CRYBG1: variants seen among roughly 807,000 people sequenced by gnomAD.
CRYBG1 encodes beta/gamma crystallin domain-containing protein 1.
CRYBG1 carries 139 observed loss-of-function variants against 189.2 expected under a neutral mutation model. The observed-to-expected ratio is 0.73, with a 90% CI of 0.64 to 0.85. CRYBG1 has a LOEUF of 0.85. Ranked by LOEUF, CRYBG1 falls within the 40% of genes least tolerant of loss-of-function variation. The probability of loss-of-function intolerance (pLI) is 0.00; values close to 1 mark genes in which losing one functional copy is unlikely to be tolerated. For synonymous variants in CRYBG1, 1,023 were observed against 1,017.1 expected (o/e 1.01, Z -0.11); for missense variants, 2,611 against 2,675.8 (o/e 0.98, Z 0.53).
intron 2 of CRYBG1, among the ~76,000 whole-genome samples, chr6:106,475,350 TAAAAC>T (rs1440212401): frequency 6.6e-6 from 1 of 152,272 alleles, no homozygotes; most frequent in African/African-American, 2.4e-5. Flanking sequence ...ACGAAAAAGT[TAAAAC>T]AGAACAGCAA....
intron 1 of CRYBG1, among the ~76,000 whole-genome samples, chr6:106,366,539 C>G (rs1275528445): frequency 1.3e-5 from 2 of 152,116 alleles, no homozygotes; most frequent in Non-Finnish European, 2.9e-5. Context: ...ATAACAGAAA[C>G]TCAGTAAATA....
intron 1 of CRYBG1, among the ~76,000 whole-genome samples, chr6:106,367,789 C>G (rs2114293961): frequency 8.9e-6 from 1 of 112,896 alleles, no homozygotes; most frequent in Non-Finnish European, 1.8e-5. Flanking sequence ...AAACTCAGAC[C>G]CTGCTTATCC....
At chr6:106,509,819 C>T (rs192866305) in intron 2 of CRYBG1, among the ~76,000 whole-genome samples, 3 of 152,062 alleles carry the variant, frequency 2.0e-5, no homozygotes, top group South Asian at 4.2e-4. Context: ...GCCTCTCCCC[C>T]CCACCCCAAT....
intron 1 of CRYBG1, among the ~76,000 whole-genome samples, chr6:106,422,462 G>A (rs1771148586): frequency 6.6e-6 from 1 of 151,944 alleles, no homozygotes; most frequent in Non-Finnish European, 1.5e-5. Context: ...CCTCTGAGTA[G>A]CTGGGACCAC....
Position 106,468,703 on chromosome 6 carries a change from A to G in CRYBG1, c.312+16871A>G, listed in dbSNP as rs10046454. ...AGACTTTGTCTCAAAAAATCATAATAAAATTTAAAAGTGGCATATTTTTAC... is the reference window on the plus strand; with the variant it reads ...AGACTTTGTCTCAAAAAATCATAATGAAATTTAAAAGTGGCATATTTTTAC... On this transcript the variant is annotated intron_variant, in intron 2 of 21. Coordinates refer to ENST00000633556, the MANE Select transcript of CRYBG1 (RefSeq NM_001371242.2). Among the ~76,000 whole-genome samples the G allele has an allele frequency of 3.7e-3, 568 of 152,350 alleles. 5 individuals carry two copies. Among genetic ancestry groups the G allele is most frequent in the African/African-American group, 0.013 (547 of 41,578 alleles).
intron 2 of CRYBG1, among the ~76,000 whole-genome samples, chr6:106,464,585 T>C (rs990073946): frequency 6.6e-6 from 1 of 152,182 alleles, no homozygotes; most frequent in Non-Finnish European, 1.5e-5. Context: ...TTTTGTTTCA[T>C]TAGAATCTTA....
Position 106,571,594 on chromosome 6 carries a change from G to A in CRYBG1, c.*3028G>A, listed in dbSNP as rs1210481504. 5.9e-6 allele frequency: 1 copy of A among 168,146 alleles called. No individual in the cohort carries two copies. Among genetic ancestry groups the A allele is most frequent in the Non-Finnish European group, 1.3e-5 (1 of 77,966 alleles). 10.4% of individuals were successfully genotyped at this position (168,146 alleles called of 1,614,324 possible). On this transcript the variant is annotated 3_prime_UTR_variant, in exon 22 of 22. Coordinates refer to ENST00000633556, the MANE Select transcript of CRYBG1 (RefSeq NM_001371242.2). ...CATACCTGTAGTCCTACCTACTTGA[G>A]AGGCTGAAGCAGGAGAATCGCTTAA...
At position 106,551,842 on chromosome 6, in the gene CRYBG1, T is replaced by C. The variant is rs1774411309; in HGVS notation, c.5313-10T>C. The stretch of plus-strand genomic sequence containing the variant: ...ATGAACTCCAACAAGTGATTGCTTT[T>C]GTTTCTTAGATGGGTAGCCTATGAA... On this transcript the variant is annotated splice_polypyrimidine_tract_variant and intron_variant, in intron 13 of 21. Coordinates refer to ENST00000633556, the MANE Select transcript of CRYBG1 (RefSeq NM_001371242.2). 1 of 1,611,026 alleles carries C rather than the reference T, an allele frequency of 6.2e-7. No individual in the cohort carries two copies. The highest frequency in any genetic ancestry group is 1.7e-5 in the Admixed American group (1 of 59,772).
At chr6:106,561,685 A>C (rs533455279) in intron 20 of CRYBG1, among the ~76,000 whole-genome samples, 185 bp downstream of exon 20, 1 of 152,370 alleles carries the variant, frequency 6.6e-6, no homozygotes, top group South Asian at 2.1e-4. Context: ...TAGGAACTTA[A>C]AATGAAAGGT....
intron 1 of CRYBG1, among the ~76,000 whole-genome samples, chr6:106,430,834 G>C (rs182739645): frequency 4.5e-4 from 68 of 152,236 alleles, no homozygotes; most frequent in African/African-American, 1.5e-3. Context: ...ATGCAGTACA[G>C]AGAGGGGGCA....
intron 1 of CRYBG1, among the ~76,000 whole-genome samples, chr6:106,408,841 C>G (rs981457343): frequency 1.7e-4 from 26 of 152,140 alleles, no homozygotes; most frequent in Non-Finnish European, 1.5e-5. Flanking sequence ...GCTAAAAACT[C>G]TCAATAAACT....
intron 1 of CRYBG1, among the ~76,000 whole-genome samples, chr6:106,448,789 A>G (rs1771720685): frequency 6.6e-6 from 1 of 152,156 alleles, no homozygotes; most frequent in South Asian, 2.1e-4. Flanking sequence ...ATTTCTGCAC[A>G]GTAGTGTCCT....
rs748975797 is a variant in CRYBG1, at chr6:106,558,634, C to T, written c.5855+9C>T. The T allele has an allele frequency of 1.1e-5, 17 of 1,594,146 alleles. No homozygotes were observed. In the East Asian group the frequency reaches 3.9e-4, roughly 36 times the overall value. ...CAGGTTATTGGTGGCATGTGAGTTA[C>T]CTACTTGTTGACTCAATAAAATAGA... On this transcript the variant is annotated intron_variant, in intron 18 of 21. Transcript: ENST00000633556.
chr6:106,510,146 A>G (rs710097), intron 2 of CRYBG1, among the ~76,000 whole-genome samples: 29,058 of 152,118 alleles, frequency 0.19, 3,789 homozygotes, highest in African/African-American at 0.37. Flanking sequence ...GCTAGCACCT[A>G]GGTTTTGAAT....
chr6:106,514,191 A>C (rs1234394026), intron 3 of CRYBG1, among the ~76,000 whole-genome samples: 4 of 152,122 alleles, frequency 2.6e-5, no homozygotes, highest in Non-Finnish European at 5.9e-5. Context: ...TAGGGAAGGT[A>C]CTCTATGAAA....
intron 1 of CRYBG1, among the ~76,000 whole-genome samples, chr6:106,418,893 G>A (rs531832739): frequency 8.5e-5 from 13 of 152,306 alleles, no homozygotes; most frequent in Non-Finnish European, 8.8e-5. Context: ...TAAAGTGCAC[G>A]GGGTTTTATA....
intron 2 of CRYBG1, among the ~76,000 whole-genome samples, chr6:106,501,565 G>A (rs72939408): frequency 0.15 from 22,844 of 152,176 alleles, 1,754 homozygotes; most frequent in East Asian, 0.17. Context: ...ATATCGCACT[G>A]TTAATAAAGC....
Position 106,487,821 on chromosome 6 carries a change from G to T in CRYBG1, c.313-23609G>T, listed in dbSNP as rs535185514. On this transcript the variant is annotated intron_variant, in intron 2 of 21. Coordinates refer to ENST00000633556, the MANE Select transcript of CRYBG1 (RefSeq NM_001371242.2). ...GATTTCATAAATATCATTTTTGGGAGGATCTGTTAATGGAGACTTATTGTG... is the reference window on the plus strand; with the variant it reads ...GATTTCATAAATATCATTTTTGGGATGATCTGTTAATGGAGACTTATTGTG... Among the ~76,000 whole-genome samples the T allele has an allele frequency of 5.9e-5, 9 of 152,202 alleles. No individual in the cohort carries two copies. The South Asian group carries it at 1.2e-3, about 21-fold the overall frequency.
At chr6:106,542,023 C>T (rs369088553) in intron 10 of CRYBG1, among the ~76,000 whole-genome samples, 4 of 152,208 alleles carry the variant, frequency 2.6e-5, no homozygotes, top group East Asian at 3.9e-4. Context: ...ATTCCCACAT[C>T]GATGCCACAC....
Sources: gnomAD v4.1 joint callset for allele counts (sites outside exome capture counted in the v4.1 genomes callset) on GRCh38, gnomAD v4.1.1 for gene constraint, MANE v1.5 for transcripts, NCBI Gene and HGNC (gene_info 2026-07-23, HGNC 2026-07-21) for gene names.